The following PTPRD variants were observed in gnomAD, a reference collection of about 807,000 sequenced individuals.
The protein encoded by PTPRD is receptor-type tyrosine-protein phosphatase delta.
In PTPRD, 34 loss-of-function variants were observed where a neutral mutation model predicts 214.5. That is an observed-to-expected ratio of 0.16 (90% confidence interval 0.12 to 0.21). The LOEUF (loss-of-function observed/expected upper bound fraction) is 0.21. Ranked by LOEUF, PTPRD falls within the 10% of genes least tolerant of loss-of-function variation. The pLI, the probability that PTPRD is intolerant of heterozygous loss-of-function variation, is 1.00. For synonymous variants in PTPRD, 1,128 were observed against 845.7 expected, an observed-to-expected ratio of 1.33 and a Z score of -5.79; for missense variants, 2,545 against 2,398.7, an observed-to-expected ratio of 1.06 and a Z score of -1.27.
chr9:10,472,359 G>A (rs905727406), intron 2 of PTPRD, among the ~76,000 whole-genome samples: 10 of 152,058 alleles, frequency 6.6e-5, no homozygotes, highest in African/African-American at 1.9e-4. Context: ...TATTTGTTAA[G>A]TTTCACATTA....
At chr9:8,329,779 T>C (rs1203719093) in intron 44 of PTPRD, among the ~76,000 whole-genome samples, 1 of 152,126 alleles carries the variant, frequency 6.6e-6, no homozygotes, top group East Asian at 1.9e-4. Context: ...TCAGCCCTGT[T>C]TGAACTTCCT....
intron 32 of PTPRD, among the ~76,000 whole-genome samples, chr9:8,464,009 T>C (rs772636182): frequency 1.8e-4 from 28 of 151,926 alleles, no homozygotes; most frequent in Admixed American, 6.6e-5. Flanking sequence ...GGCAACTTCA[T>C]TAACAAATTT....
At chr9:9,104,830 T>G (rs1257332152) in intron 10 of PTPRD, among the ~76,000 whole-genome samples, 1 of 152,088 alleles carries the variant, frequency 6.6e-6, no homozygotes, top group Non-Finnish European at 1.5e-5. Context: ...AACAGGGGAG[T>G]TCGACGTGAT....
At chr9:10,486,927 T>C (rs2099136679) in intron 2 of PTPRD, among the ~76,000 whole-genome samples, 1 of 152,208 alleles carries the variant, frequency 6.6e-6, no homozygotes, top group South Asian at 2.1e-4. Context: ...TATTATTTTA[T>C]TGGGGCCTAC....
In PTPRD at chr9:8,693,670, G is replaced by A. The variant is rs2097853441; in HGVS notation, c.64+40110C>T. Among the ~76,000 whole-genome samples, 4 of 152,190 alleles carry A rather than the reference G, an allele frequency of 2.6e-5. No homozygotes were observed. In the South Asian group the frequency reaches 8.3e-4, roughly 31 times the overall value. ...CTCTGGTTACGAGGAAATGTAGCGT[G>A]TTAATCAAGGTAAGTGAGCTGTTTC... On this transcript the variant is annotated intron_variant, in intron 12 of 45. Transcript: ENST00000381196.
intron 11 of PTPRD, among the ~76,000 whole-genome samples, chr9:8,940,414 C>A (rs1311783935): frequency 6.8e-6 from 1 of 146,036 alleles, no homozygotes; most frequent in African/African-American, 2.5e-5. Flanking sequence ...TCCCGAGAAG[C>A]TGGGATTACA....
At chr9:8,654,404 AC>A (rs775111051) in intron 12 of PTPRD, among the ~76,000 whole-genome samples, 7 of 152,206 alleles carry the variant, frequency 4.6e-5, no homozygotes, top group Non-Finnish European at 1.0e-4. Context: ...TACAACGCTC[AC>A]CAAGGATCAT....
intron 4 of PTPRD, among the ~76,000 whole-genome samples, chr9:10,003,135 G>A (rs1030925672): frequency 6.6e-6 from 1 of 151,648 alleles, no homozygotes; most frequent in African/African-American, 2.4e-5. Context: ...GTTAGTCAAG[G>A]GACATAAGAA....
At chr9:9,379,956 C>G (rs979584481) in intron 9 of PTPRD, among the ~76,000 whole-genome samples, 2 of 151,980 alleles carry the variant, frequency 1.3e-5, no homozygotes, top group Non-Finnish European at 2.9e-5. Context: ...CATAGAAAAT[C>G]ATCTTATTTG....
intron 23 of PTPRD, 58 bp downstream of exon 23, chr9:8,504,203 T>C: frequency 6.3e-7 from 1 of 1,582,778 alleles, no homozygotes; most frequent in South Asian, 1.1e-5. Flanking sequence ...AGGTGAAAGC[T>C]AGCAACATCT....
intron 2 of PTPRD, among the ~76,000 whole-genome samples, chr9:10,533,955 C>T (rs1050376035): frequency 6.7e-6 from 1 of 150,288 alleles, no homozygotes; most frequent in African/African-American, 2.4e-5. Flanking sequence ...AAGTTTGTAG[C>T]CTATTTTTTT....
intron 2 of PTPRD, among the ~76,000 whole-genome samples, chr9:10,351,387 A>T (rs541806769): frequency 6.6e-6 from 1 of 152,092 alleles, no homozygotes; most frequent in Non-Finnish European, 1.5e-5. Context: ...TTACTGCCCA[A>T]TTACACTTTG....
chr9:9,031,279 A>ACAG (rs2099604502), intron 10 of PTPRD, among the ~76,000 whole-genome samples: 1 of 151,628 alleles, frequency 6.6e-6, no homozygotes, highest in Non-Finnish European at 1.5e-5. Context: ...TTTAATGAAT[A>ACAG]TAGTCATGTG....
At chr9:9,985,647 C>T (rs965475112) in intron 4 of PTPRD, among the ~76,000 whole-genome samples, 9 of 151,978 alleles carry the variant, frequency 5.9e-5, no homozygotes, top group Admixed American at 5.9e-4. Context: ...TCTATAGATA[C>T]ACCACCTTTC....
At chr9:8,713,525 C>A in intron 12 of PTPRD, 2 of 1,234,116 alleles carry the variant, frequency 1.6e-6, no homozygotes, top group Non-Finnish European at 2.4e-6. Context: ...GAGAAGTCCC[C>A]GCTGCGGGTG....
rs371644146 is a variant in PTPRD at position 8,474,607 on chromosome 9, A to G, written c.3414-3522T>C. Among the ~76,000 whole-genome samples, 5 of 152,148 alleles carry G rather than the reference A, an allele frequency of 3.3e-5. No homozygotes were observed. The East Asian group carries it at 9.6e-4, about 29-fold the overall frequency. On this transcript the variant is annotated intron_variant, in intron 30 of 45. Transcript: ENST00000381196. ...CGGCCTGGCAATCTTACCACTATCT[A>G]GTTTCCTAATAACTGCTCCAATTGC...
chr9:8,930,575 C>G (rs970224445), intron 11 of PTPRD, among the ~76,000 whole-genome samples: 1 of 152,168 alleles, frequency 6.6e-6, no homozygotes, highest in African/African-American at 2.4e-5. Flanking sequence ...TACAGTCCCA[C>G]CAACAGTGTA....
At chr9:9,585,778 G>A (rs1200951671) in intron 7 of PTPRD, among the ~76,000 whole-genome samples, 2 of 151,692 alleles carry the variant, frequency 1.3e-5, no homozygotes, top group Non-Finnish European at 2.9e-5. Flanking sequence ...CTATAGCAAG[G>A]GATTCAGCCA....
At chr9:8,357,772 T>G (rs1248941065) in intron 39 of PTPRD, among the ~76,000 whole-genome samples, 2 of 152,180 alleles carry the variant, frequency 1.3e-5, no homozygotes, top group South Asian at 4.1e-4. Context: ...ACCCTGATAA[T>G]TCTCAGGGAT....
Sources: gnomAD v4.1 joint callset for allele counts (sites outside exome capture counted in the v4.1 genomes callset) on GRCh38, gnomAD v4.1.1 for gene constraint, MANE v1.5 for transcripts, NCBI Gene and HGNC (gene_info 2026-07-23, HGNC 2026-07-21) for gene names.